The following MAF variants were observed in gnomAD, a reference collection of about 807,000 sequenced individuals.
MAF encodes the protein MAF bZIP transcription factor, also known as transcription factor Maf.
In MAF, 10 loss-of-function variants were observed where a neutral mutation model predicts 22.0. The ratio of observed to expected loss-of-function variants is 0.45; its 90% confidence interval spans 0.28 to 0.77. The LOEUF (loss-of-function observed/expected upper bound fraction) is 0.77, where lower values mean the gene tolerates loss of function less well. Ranked by LOEUF, MAF falls within the 30% of genes least tolerant of loss-of-function variation. The pLI is 0.12. For missense variants in MAF, 544 were observed against 548.4 expected, an observed-to-expected ratio of 0.99 and a Z score of 0.08; for synonymous variants, 337 against 255.8, an observed-to-expected ratio of 1.32 and a Z score of -3.03.
At chr16:79,286,703 G>A in the MAF span, among the ~76,000 whole-genome samples, 1 of 152,084 alleles carries the variant, frequency 6.6e-6, no homozygotes, top group African/African-American at 2.4e-5. Flanking sequence ...ACATTCCCAC[G>A]CATCTTTAAC....
At chr16:79,510,374 T>A in the MAF span, among the ~76,000 whole-genome samples, 1 of 152,222 alleles carries the variant, frequency 6.6e-6, no homozygotes, top group Non-Finnish European at 1.5e-5. Context: ...TGAGGTTTTA[T>A]TAATGTTTTC....
At chr16:79,520,734 G>A in the MAF span, among the ~76,000 whole-genome samples, 47 of 152,240 alleles carry the variant, frequency 3.1e-4, no homozygotes, top group Middle Eastern at 6.8e-3. Context: ...GGCCACATTA[G>A]TCTACCTGCT....
chr16:79,444,185 C>A, the MAF span, among the ~76,000 whole-genome samples: 4 of 152,020 alleles, frequency 2.6e-5, no homozygotes, highest in East Asian at 5.8e-4. Flanking sequence ...TTATCATTTA[C>A]ACACACATAC....
chr16:79,371,944 G>T, the MAF span, among the ~76,000 whole-genome samples: 14 of 152,150 alleles, frequency 9.2e-5, no homozygotes, highest in African/African-American at 3.4e-4. Flanking sequence ...GTTAAATGTG[G>T]ATAAATAACA....
the MAF span, among the ~76,000 whole-genome samples, chr16:79,382,655 T>G: frequency 2.0e-5 from 3 of 152,358 alleles, no homozygotes; most frequent in East Asian, 5.8e-4. Context: ...TCCATTCCAT[T>G]GTTTTCTCCA....
the MAF span, among the ~76,000 whole-genome samples, chr16:79,328,294 A>G: frequency 1.3e-5 from 2 of 152,064 alleles, no homozygotes; most frequent in African/African-American, 4.8e-5. Context: ...TTTTTTTAAA[A>G]AAAGAAATCA....
the MAF span, among the ~76,000 whole-genome samples, chr16:79,503,994 G>A: frequency 3.9e-5 from 6 of 152,050 alleles, no homozygotes; most frequent in African/African-American, 1.4e-4. Context: ...ACATTGCAGG[G>A]GCTCAGTAAA....
At chr16:79,335,389 T>G in the MAF span, among the ~76,000 whole-genome samples, 11 of 152,152 alleles carry the variant, frequency 7.2e-5, no homozygotes, top group South Asian at 2.1e-4. Context: ...AACTGGCTTC[T>G]TCGAAGAAGA....
At chr16:79,553,599 G>C in the MAF span, among the ~76,000 whole-genome samples, 2 of 152,228 alleles carry the variant, frequency 1.3e-5, no homozygotes, top group African/African-American at 4.8e-5. Context: ...AGCCTGGTCA[G>C]AAAGCTGCCA....
the MAF span, among the ~76,000 whole-genome samples, chr16:79,381,107 T>G: frequency 6.6e-6 from 1 of 152,222 alleles, no homozygotes; most frequent in Non-Finnish European, 1.5e-5. Flanking sequence ...CGCTAACCTT[T>G]GCATTCATCA....
chr16:79,272,306 C>T, the MAF span, among the ~76,000 whole-genome samples: 10 of 152,228 alleles, frequency 6.6e-5, no homozygotes, highest in African/African-American at 1.2e-4. Context: ...AAGTGGATTC[C>T]GATTTTGAAA....
the MAF span, among the ~76,000 whole-genome samples, chr16:79,431,207 A>G: frequency 3.9e-5 from 6 of 152,054 alleles, no homozygotes; most frequent in Non-Finnish European, 5.9e-5. Context: ...AACCTACTCA[A>G]CCATACACAG....
At chr16:79,432,523 TTC>T in the MAF span, among the ~76,000 whole-genome samples, 1 of 152,170 alleles carries the variant, frequency 6.6e-6, no homozygotes, top group Non-Finnish European at 1.5e-5. Context: ...TGAATATGGT[TTC>T]TTTCTCTCAA....
chr16:79,203,105 C>T, the MAF span: 5 of 152,216 alleles, frequency 3.3e-5, no homozygotes, highest in African/African-American at 1.2e-4. Context: ...TTCCTACTAA[C>T]TAGCAACACG....
the MAF span, among the ~76,000 whole-genome samples, chr16:79,513,439 G>C: frequency 2.0e-5 from 3 of 152,216 alleles, no homozygotes; most frequent in Admixed American, 1.3e-4. Context: ...TAATAGACGT[G>C]CTAACTTCCT....
the MAF span, among the ~76,000 whole-genome samples, chr16:79,480,889 T>C: frequency 2.0e-5 from 3 of 152,186 alleles, no homozygotes; most frequent in Non-Finnish European, 2.9e-5. Context: ...AGTTCAAAAC[T>C]GCAAGCCAGA....
the MAF span, among the ~76,000 whole-genome samples, chr16:79,310,596 G>C: frequency 7.9e-5 from 12 of 152,176 alleles, no homozygotes; most frequent in Non-Finnish European, 1.2e-4. Flanking sequence ...TGAAACAAAG[G>C]CTCCTGTATC....
chr16:79,316,076 AC>A, the MAF span, among the ~76,000 whole-genome samples: 1 of 152,170 alleles, frequency 6.6e-6, no homozygotes, highest in Non-Finnish European at 1.5e-5. Flanking sequence ...AACATGCATA[AC>A]CTTATTATGC....
the MAF span, among the ~76,000 whole-genome samples, chr16:79,395,957 T>C: frequency 1.3e-5 from 2 of 152,238 alleles, no homozygotes; most frequent in East Asian, 3.9e-4. Context: ...GCCCCCCCGG[T>C]GGCATTTGGA....
Sources: allele counts gnomAD v4.1 joint callset (sites outside exome capture counted in the v4.1 genomes callset), GRCh38; gene constraint gnomAD v4.1.1; transcripts MANE v1.5; gene names NCBI Gene and HGNC (gene_info 2026-07-23, HGNC 2026-07-21).